PRELID2: variants seen among roughly 807,000 people sequenced by gnomAD.
The protein encoded by PRELID2 is PRELI domain-containing protein 2.
In PRELID2, 25 loss-of-function variants were observed where a neutral mutation model predicts 28.4. The ratio of observed to expected loss-of-function variants is 0.88; its 90% CI spans 0.64 to 1.23. The LOEUF (loss-of-function observed/expected upper bound fraction) is 1.23. Among genes scored for constraint, PRELID2 ranks in the 50% most tolerant of loss-of-function variants. PRELID2 has a pLI of 0.00. For missense variants in PRELID2, 201 were observed against 214.4 expected, an observed-to-expected ratio of 0.94 and a Z score of 0.39; for synonymous variants, 76 against 71.6, an observed-to-expected ratio of 1.06 and a Z score of -0.31.
chr5:145,273,077 T>C, the PRELID2 span, among the ~76,000 whole-genome samples: 3 of 152,156 alleles, frequency 2.0e-5, no homozygotes, highest in East Asian at 1.9e-4. Flanking sequence ...ATGGACAATA[T>C]CCTACATTAT....
chr5:145,405,401 C>A, the PRELID2 span, among the ~76,000 whole-genome samples: 1 of 152,104 alleles, frequency 6.6e-6, no homozygotes, highest in Non-Finnish European at 1.5e-5. Flanking sequence ...GAGACTATGT[C>A]ATTTATAAAG....
At chr5:145,723,610 C>T (rs1054519344) in intron 1 of PRELID2, among the ~76,000 whole-genome samples, 2 of 152,130 alleles carry the variant, frequency 1.3e-5, no homozygotes, top group Non-Finnish European at 2.9e-5. Flanking sequence ...TTTAATTTTA[C>T]TCATAATAAA....
chr5:145,490,219 T>G (rs1039095615), intron 1 of PRELID2, among the ~76,000 whole-genome samples: 1 of 152,218 alleles, frequency 6.6e-6, no homozygotes, highest in African/African-American at 2.4e-5. Context: ...CTTTGTGCGC[T>G]TATCTAGACT....
At chr5:145,564,030 G>A (rs534211141) in intron 1 of PRELID2, among the ~76,000 whole-genome samples, 231 of 152,284 alleles carry the variant, frequency 1.5e-3, no homozygotes, top group African/African-American at 5.2e-3. Flanking sequence ...TGTTGTGCAA[G>A]TAAAATATAA....
At chr5:145,779,210 C>T (rs776402465) in intron 5 of PRELID2, among the ~76,000 whole-genome samples, 3 of 152,036 alleles carry the variant, frequency 2.0e-5, no homozygotes, top group Non-Finnish European at 4.4e-5. Flanking sequence ...GTGCTAGGTA[C>T]TAAGGATAAA....
rs571242706 is a variant in PRELID2, at chr5:145,727,236, G to A, written n.70+37695C>T. Among the ~76,000 whole-genome samples the A allele has an allele frequency of 4.6e-5, 7 of 152,308 alleles. No individual in the cohort carries two copies. The South Asian group carries it at 1.2e-3, about 27-fold the overall frequency. On this transcript the variant is annotated intron_variant and non_coding_transcript_variant, in intron 1 of 2. Coordinates refer to the PRELID2 transcript ENST00000510259. ...AGGGCTAGAAGCAAGGAGCCAGCAAGTCTAGACACACTCCAAAGCCATGAG... is the reference window on the plus strand; with the variant it reads ...AGGGCTAGAAGCAAGGAGCCAGCAAATCTAGACACACTCCAAAGCCATGAG...
intron 1 of PRELID2, among the ~76,000 whole-genome samples, chr5:145,525,191 A>G (rs968026013): frequency 1.3e-5 from 2 of 152,214 alleles, no homozygotes; most frequent in African/African-American, 4.8e-5. Flanking sequence ...TTTGCCCAAC[A>G]TCAGACAGTG....
chr5:145,832,837 C>T (rs961305071), intron 1 of PRELID2, among the ~76,000 whole-genome samples: 1 of 152,120 alleles, frequency 6.6e-6, no homozygotes, highest in Non-Finnish European at 1.5e-5. Flanking sequence ...AACTTCTATT[C>T]ATGCTTCAGC....
chr5:145,609,443 C>T (rs1753575067), intron 1 of PRELID2, among the ~76,000 whole-genome samples: 1 of 152,194 alleles, frequency 6.6e-6, no homozygotes, highest in African/African-American at 2.4e-5. Context: ...CCTTCATTTC[C>T]TTTGTTAGAT....
chr5:145,509,757 C>T (rs538803283), intron 1 of PRELID2, among the ~76,000 whole-genome samples: 10 of 152,268 alleles, frequency 6.6e-5, no homozygotes, highest in African/African-American at 2.4e-4. Context: ...ATGCTGTTTT[C>T]TTCCTTTTAA....
intron 6 of PRELID2, among the ~76,000 whole-genome samples, chr5:145,764,493 C>A (rs1757629310): frequency 1.3e-5 from 2 of 152,226 alleles, no homozygotes; most frequent in African/African-American, 4.8e-5. Context: ...AGTGGAAATA[C>A]ATATGACTAA....
chr5:145,709,090 T>A (rs112937093), intron 1 of PRELID2, among the ~76,000 whole-genome samples: 4,465 of 152,314 alleles, frequency 0.029, 91 homozygotes, highest in Non-Finnish European at 0.047. Context: ...AAGACCACCT[T>A]GAGCAAAACT....
At chr5:145,741,235 A>AAT (rs1561567422) in intron 1 of PRELID2, among the ~76,000 whole-genome samples, 4 of 113,566 alleles carry the variant, frequency 3.5e-5, no homozygotes, top group Non-Finnish European at 6.5e-5. Flanking sequence ...TATAATATAT[A>AAT]ATATAAATAT....
At chr5:145,231,945 G>A in the PRELID2 span, among the ~76,000 whole-genome samples, 1 of 152,002 alleles carries the variant, frequency 6.6e-6, no homozygotes. Context: ...CTTGGATGTT[G>A]CTCCCAGAAT....
chr5:145,771,006 A>T (rs1758069634), intron 5 of PRELID2, among the ~76,000 whole-genome samples: 1 of 152,196 alleles, frequency 6.6e-6, no homozygotes, highest in Non-Finnish European at 1.5e-5. Flanking sequence ...AGTAATGCAC[A>T]GTAATGTCCA....
chr5:145,740,910 GTACATATATT>G (rs1756689145), intron 1 of PRELID2, among the ~76,000 whole-genome samples: 1 of 78,340 alleles, frequency 1.3e-5, no homozygotes, highest in Non-Finnish European at 2.3e-5. Context: ...AAATATATAT[GTACATATATT>G]TATCGATAAA....
At chr5:145,448,157 T>C in the PRELID2 span, among the ~76,000 whole-genome samples, 1 of 151,080 alleles carries the variant, frequency 6.6e-6, no homozygotes, top group Admixed American at 6.6e-5. Flanking sequence ...TTTTAATGAT[T>C]GCCATTCTAA....
intron 1 of PRELID2, among the ~76,000 whole-genome samples, chr5:145,494,417 T>A (rs1459065797): frequency 6.6e-6 from 1 of 152,294 alleles, no homozygotes; most frequent in South Asian, 2.1e-4. Context: ...GAAAGCAATA[T>A]AGGATTAATA....
chr5:145,497,854 C>T (rs1353630619), intron 1 of PRELID2, among the ~76,000 whole-genome samples: 1 of 152,232 alleles, frequency 6.6e-6, no homozygotes, highest in Non-Finnish European at 1.5e-5. Context: ...GGGCATGGAT[C>T]AATTCTGTTG....
Sources: allele counts gnomAD v4.1 joint callset (sites outside exome capture counted in the v4.1 genomes callset), GRCh38; gene constraint gnomAD v4.1.1; transcripts MANE v1.5; gene names NCBI Gene and HGNC (gene_info 2026-07-23, HGNC 2026-07-21).